ANKRD55: variants seen among roughly 807,000 people sequenced by gnomAD.
The protein encoded by ANKRD55 is ankyrin repeat domain 55, also known as ankyrin repeat domain-containing protein 55.
A neutral mutation model predicts 60.6 loss-of-function variants in ANKRD55; 41 were observed. That is an observed-to-expected ratio of 0.68 (90% CI 0.53 to 0.88). ANKRD55 has a LOEUF of 0.88. Ranked by LOEUF, ANKRD55 falls within the 40% of genes least tolerant of loss-of-function variation. The pLI is 0.00. For missense variants in ANKRD55, 732 were observed against 767.6 expected (o/e 0.95, Z 0.55); for synonymous variants, 264 against 290.3 (o/e 0.91, Z 0.92).
In ANKRD55 at chr5:56,133,454, C is replaced by A. The variant is rs1016641387; in HGVS notation, c.613-6348G>T. On this transcript the variant is annotated intron_variant, in intron 7 of 11. Coordinates refer to ENST00000341048, the MANE Select transcript of ANKRD55 (RefSeq NM_024669.3). ...ACTCCGTCTCAAAAAAAAAAAAAAA[C>A]AATTAATTAATTGGATACAATTGAT... 2.8e-3 allele frequency among the ~76,000 whole-genome samples: 108 copies of A among 38,296 alleles called. 17 individuals carry two copies. The highest frequency in any genetic ancestry group is 6.5e-3 in the African/African-American group (81 of 12,434). The allele number at this position is 38,296 out of a possible 152,430, so 25.1% of individuals were successfully genotyped here.
In ANKRD55 at chr5:56,142,744, A is replaced by C. The variant is rs113264237; in HGVS notation, c.612+1057T>G. 2.3e-3 allele frequency among the ~76,000 whole-genome samples: 343 copies of C among 152,314 alleles called. 1 individual carries two copies. The highest frequency in any genetic ancestry group is 8.0e-3 in the African/African-American group (331 of 41,558). ...GCCAGAGGCCAGCCCCAGGGCATGG[A>C]GTCCTGGGCAGAGACTGGCAGCGAT... On this transcript the variant is annotated intron_variant, in intron 7 of 11. Coordinates refer to ENST00000341048, the MANE Select transcript of ANKRD55 (RefSeq NM_024669.3).
chr5:56,211,515 A>G (rs918010356), intron 2 of ANKRD55, among the ~76,000 whole-genome samples: 7 of 152,208 alleles, frequency 4.6e-5, no homozygotes, highest in African/African-American at 1.7e-4. Flanking sequence ...ACAGGTGGCA[A>G]TTGGTAAAAC....
chr5:56,170,024 T>C (rs1402155165), intron 5 of ANKRD55, among the ~76,000 whole-genome samples: 2 of 152,152 alleles, frequency 1.3e-5, no homozygotes, highest in East Asian at 3.9e-4. Flanking sequence ...TACAAAAAGG[T>C]GGCCTTCTTG....
At chr5:56,202,291 C>T (rs927251884) in intron 2 of ANKRD55, among the ~76,000 whole-genome samples, 1 of 152,036 alleles carries the variant, frequency 6.6e-6, no homozygotes, top group African/African-American at 2.4e-5. Context: ...TACACATGTA[C>T]CCTTGAACTT....
At chr5:56,157,273 C>T (rs575388576) in intron 6 of ANKRD55, among the ~76,000 whole-genome samples, 5 of 152,312 alleles carry the variant, frequency 3.3e-5, no homozygotes, top group Non-Finnish European at 7.3e-5. Flanking sequence ...CTCAAGTACC[C>T]AGGGACACAA....
intron 2 of ANKRD55, among the ~76,000 whole-genome samples, chr5:56,216,947 T>C (rs763486536): frequency 6.6e-6 from 1 of 152,226 alleles, no homozygotes; most frequent in Non-Finnish European, 1.5e-5. Context: ...ATTTTCAATG[T>C]AGATAAAACA....
rs181542399 is a variant in ANKRD55 at position 56,172,065 on chromosome 5, G to T, written c.313-1262C>A. Among the ~76,000 whole-genome samples the T allele has an allele frequency of 2.4e-4, 37 of 151,290 alleles. 1 individual carries two copies. The East Asian group carries it at 6.4e-3, about 26-fold the overall frequency. On this transcript the variant is annotated intron_variant, in intron 4 of 11. Transcript: ENST00000341048. ...ACCCGGGAGGCAGAGCTGGCAGTGA[G>T]CCGAGATCGCGCCACTGCACTCCAA...
intron 7 of ANKRD55, among the ~76,000 whole-genome samples, chr5:56,128,962 C>A (rs1022341434): frequency 6.6e-6 from 1 of 152,178 alleles, no homozygotes; most frequent in Non-Finnish European, 1.5e-5. Context: ...GTACCAGTGA[C>A]GTGTGCCTCA....
intron 8 of ANKRD55, among the ~76,000 whole-genome samples, chr5:56,118,630 TAAATAAAATA>T (rs145664184): frequency 0.46 from 68,231 of 149,074 alleles, 16,074 homozygotes; most frequent in African/African-American, 0.57. Flanking sequence ...TCTCAAAAAA[TAAATAAAATA>T]AAATAAAATA....
At chr5:56,166,369 A>T (rs1185527764) in intron 5 of ANKRD55, among the ~76,000 whole-genome samples, 1 of 151,458 alleles carries the variant, frequency 6.6e-6, no homozygotes, top group Non-Finnish European at 1.5e-5. Context: ...GCAATCTTCC[A>T]GTCTCAGCCT....
intron 7 of ANKRD55, among the ~76,000 whole-genome samples, chr5:56,136,017 A>C (rs1003200881): frequency 7.3e-5 from 11 of 151,486 alleles, no homozygotes; most frequent in Non-Finnish European, 1.3e-4. Flanking sequence ...TACAAGAGCT[A>C]TATGAAAAAA....
At chr5:56,112,513 A>AAAC (rs1756760491) in intron 9 of ANKRD55, among the ~76,000 whole-genome samples, 9 of 149,654 alleles carry the variant, frequency 6.0e-5, no homozygotes, top group South Asian at 2.1e-4. Flanking sequence ...GCAAAAAAAA[A>AAAC]AAAAAAAAAC....
chr5:56,213,542 G>T (rs1009698989), intron 2 of ANKRD55, among the ~76,000 whole-genome samples: 4 of 151,384 alleles, frequency 2.6e-5, no homozygotes, highest in African/African-American at 9.8e-5. Flanking sequence ...TATTGAGGGA[G>T]ATTTCCTCTA....
At chr5:56,222,342 T>G (rs756914054) in intron 2 of ANKRD55, among the ~76,000 whole-genome samples, 6 of 152,168 alleles carry the variant, frequency 3.9e-5, no homozygotes, top group Non-Finnish European at 8.8e-5. Context: ...AAACCCCATC[T>G]GTATGTCACC....
At chr5:56,109,828 C>G (rs1756620106) in intron 10 of ANKRD55, among the ~76,000 whole-genome samples, 1 of 152,094 alleles carries the variant, frequency 6.6e-6, no homozygotes, top group Non-Finnish European at 1.5e-5. Context: ...ACCATCCTGG[C>G]TAACATGGTG....
At chr5:56,160,783 C>T (rs1011802154) in intron 5 of ANKRD55, 2 of 152,246 alleles carry the variant, frequency 1.3e-5, no homozygotes, top group Admixed American at 6.5e-5. Flanking sequence ...GATTCAGGCT[C>T]TTACCTGACT....
intron 5 of ANKRD55, among the ~76,000 whole-genome samples, chr5:56,165,621 G>A (rs1159139767): frequency 6.6e-6 from 1 of 152,030 alleles, no homozygotes; most frequent in Admixed American, 6.6e-5. Context: ...AAGTAAGCAG[G>A]AATAATATAT....
chr5:56,223,166 T>C (rs556279354), intron 2 of ANKRD55, among the ~76,000 whole-genome samples: 2 of 152,224 alleles, frequency 1.3e-5, no homozygotes, highest in East Asian at 3.9e-4. Context: ...TGGCAGAAAC[T>C]CTACAAGCCA....
intron 3 of ANKRD55, among the ~76,000 whole-genome samples, chr5:56,178,285 G>A (rs140084689): frequency 8.6e-4 from 130 of 151,598 alleles, no homozygotes; most frequent in African/African-American, 3.1e-3. Flanking sequence ...GACCTTCTAG[G>A]CTCAAGCAAT....
Sources: allele counts gnomAD v4.1 joint callset (sites outside exome capture counted in the v4.1 genomes callset), GRCh38; gene constraint gnomAD v4.1.1; transcripts MANE v1.5; gene names NCBI Gene and HGNC (gene_info 2026-07-23, HGNC 2026-07-21).